Variants in NPEPPS observed in about 807,000 individuals in gnomAD.
NPEPPS encodes the protein puromycin-sensitive aminopeptidase.
NPEPPS carries 14 observed loss-of-function variants against 115.5 expected under a neutral mutation model. That is an observed-to-expected ratio of 0.12 (90% CI 0.08 to 0.19). The LOEUF (loss-of-function observed/expected upper bound fraction) is 0.19. Ranked by LOEUF, NPEPPS falls within the 10% of genes least tolerant of loss-of-function variation. The pLI is 1.00. For synonymous variants in NPEPPS, 285 were observed against 390.6 expected (o/e 0.73, Z 3.19); for missense variants, 523 against 1,110.8 (o/e 0.47, Z 7.52).
intron 2 of NPEPPS, among the ~76,000 whole-genome samples, chr17:47,566,509 T>G (rs1257933412): frequency 3.5e-5 from 5 of 143,334 alleles, no homozygotes; most frequent in South Asian, 4.6e-4. Context: ...TTTTTTGTTT[T>G]TTTTTTTTTT....
At chr17:47,568,576 A>G (rs1597846767) in intron 2 of NPEPPS, among the ~76,000 whole-genome samples, 2 of 124,184 alleles carry the variant, frequency 1.6e-5, no homozygotes, top group East Asian at 5.6e-4. Flanking sequence ...TCAGTCAAAT[A>G]AGCAGTCTCT....
chr17:47,609,307 A>G (rs895221382), intron 17 of NPEPPS, among the ~76,000 whole-genome samples: 1 of 152,198 alleles, frequency 6.6e-6, no homozygotes, highest in African/African-American at 2.4e-5. Flanking sequence ...GTACATGGAC[A>G]CAGATGCAGG....
intron 2 of NPEPPS, among the ~76,000 whole-genome samples, chr17:47,568,266 C>T (rs1482536431): frequency 1.3e-5 from 2 of 151,696 alleles, no homozygotes; most frequent in African/African-American, 4.8e-5. Flanking sequence ...TGAGTTCAAG[C>T]AATTCTAAAT....
chr17:47,587,839 CAG>C (rs554798470), intron 9 of NPEPPS, among the ~76,000 whole-genome samples: 373 of 151,628 alleles, frequency 2.5e-3, no homozygotes, highest in African/African-American at 8.5e-3. Context: ...AAACAAACTG[CAG>C]AGTGACTGCA....
chr17:47,589,253 G>T (rs991733863), intron 9 of NPEPPS, among the ~76,000 whole-genome samples: 1 of 151,754 alleles, frequency 6.6e-6, no homozygotes, highest in Non-Finnish European at 1.5e-5. Flanking sequence ...GGCCTTTTCT[G>T]GGGGGACTGG....
At chr17:47,543,999 A>G (rs368255074) in intron 1 of NPEPPS, among the ~76,000 whole-genome samples, 1 of 152,088 alleles carries the variant, frequency 6.6e-6, no homozygotes, top group Non-Finnish European at 1.5e-5. Flanking sequence ...GGTTCACATC[A>G]TTCTCCTGCC....
chr17:47,566,900 C>A (rs1286641976), intron 2 of NPEPPS, among the ~76,000 whole-genome samples: 2 of 151,884 alleles, frequency 1.3e-5, no homozygotes, highest in Non-Finnish European at 2.9e-5. Flanking sequence ...CATGGGGAAA[C>A]CCCTGTCTCT....
intron 2 of NPEPPS, among the ~76,000 whole-genome samples, chr17:47,564,324 A>G (rs1910650155): frequency 6.6e-6 from 1 of 151,926 alleles, no homozygotes; most frequent in African/African-American, 2.4e-5. Flanking sequence ...GCTTGAGCCC[A>G]GGAGTTTGAG....
At position 47,618,455 on chromosome 17, in the gene NPEPPS, T is replaced by A. The variant is rs1336345457; in HGVS notation, c.2401T>A (p.Ser801Thr). The change falls in exon 20 of 23, where the codon TCA becomes ACA. Residue 801 changes from serine to threonine, a missense_variant and splice_region_variant. Physicochemically the swap from Ser to Thr is moderately conservative, Grantham distance 58. Transcript: ENST00000322157. ...TCAAAAAGTCCTCACGTTTGCACTTTCAGTAAGTTACGGTGAAAACTGCAT... is the reference window on the plus strand; with the variant it reads ...TCAAAAAGTCCTCACGTTTGCACTTACAGTAAGTTACGGTGAAAACTGCAT... ...LIQKVLTFALSEEVRPQDTVS... is the reference protein window; with the variant it reads ...LIQKVLTFALTEEVRPQDTVS... The A allele has an allele frequency of 2.5e-6, 4 of 1,606,996 alleles. No homozygotes were observed. The highest frequency in any genetic ancestry group is 3.4e-6 in the Non-Finnish European group (4 of 1,173,764).
At chr17:47,531,645 G>C in intron 1 of NPEPPS, 90 bp downstream of exon 1, 3 of 1,409,862 alleles carry the variant, frequency 2.1e-6, no homozygotes, top group Non-Finnish European at 2.8e-6. Context: ...CCGGGAGGGC[G>C]GGCGGGCCTC....
chr17:47,547,949 C>G (rs1909342333), intron 2 of NPEPPS, among the ~76,000 whole-genome samples: 1 of 152,222 alleles, frequency 6.6e-6, no homozygotes, highest in Admixed American at 6.5e-5. Context: ...TGGCGTGAAC[C>G]CGGGAGGCAG....
At chr17:47,553,078 C>T (rs568091483) in intron 2 of NPEPPS, among the ~76,000 whole-genome samples, 4 of 151,972 alleles carry the variant, frequency 2.6e-5, no homozygotes, top group South Asian at 2.1e-4. Flanking sequence ...TCTTAAGATC[C>T]TTGAGGGGCT....
intron 4 of NPEPPS, chr17:47,580,449 T>G (rs1374028963): frequency 2.6e-5 from 4 of 152,144 alleles, no homozygotes; most frequent in Non-Finnish European, 4.4e-5. Context: ...TTCCTGAGCC[T>G]TTGCTTTTCT....
intron 2 of NPEPPS, among the ~76,000 whole-genome samples, chr17:47,556,912 G>C (rs1213983940): frequency 6.6e-6 from 1 of 152,200 alleles, no homozygotes; most frequent in Non-Finnish European, 1.5e-5. Flanking sequence ...AAAGTGCCGG[G>C]ATTACAGGCA....
Position 47,604,043 on chromosome 17 carries a change from C to G in NPEPPS, c.1869C>G (p.Phe623Leu). ...VDRLGLQNDLFSLARAGIIST... is the reference protein window; with the variant it reads ...VDRLGLQNDLLSLARAGIIST... ...GACTTGGATTACAGAATGACCTCTTCTCCTTGGTGAGCATCTGTGACTTAA... is the reference window on the plus strand; with the variant it reads ...GACTTGGATTACAGAATGACCTCTTGTCCTTGGTGAGCATCTGTGACTTAA... Residue 623 changes from phenylalanine (F) to leucine (L), a missense_variant, in exon 16 of 23, where the codon TTC becomes TTG. Physicochemically the swap from Phe to Leu is conservative, Grantham distance 22. Transcript: ENST00000322157. 6.2e-7 allele frequency: 1 copy of G among 1,608,508 alleles called. No homozygotes were observed. The highest frequency in any genetic ancestry group is 8.5e-7 in the Non-Finnish European group (1 of 1,176,360).
At chr17:47,549,021 G>C (rs1288523407) in intron 2 of NPEPPS, among the ~76,000 whole-genome samples, 1 of 152,064 alleles carries the variant, frequency 6.6e-6, no homozygotes, top group Admixed American at 6.6e-5. Flanking sequence ...GAGAGATTCT[G>C]ATAAAACGTT....
At chr17:47,566,062 T>C (rs1910794417) in intron 2 of NPEPPS, among the ~76,000 whole-genome samples, 1 of 152,196 alleles carries the variant, frequency 6.6e-6, no homozygotes, top group South Asian at 2.1e-4. Flanking sequence ...GGCATGATCA[T>C]GGCTCACTCC....
At chr17:47,600,308 G>A (rs575553128) in intron 14 of NPEPPS, among the ~76,000 whole-genome samples, 1 of 152,116 alleles carries the variant, frequency 6.6e-6, no homozygotes, top group African/African-American at 2.4e-5. Context: ...ATGGTGGCAT[G>A]CATCTGCAGT....
At chr17:47,531,755 C>T (rs1422544322) in intron 1 of NPEPPS, among the ~76,000 whole-genome samples, 200 bp downstream of exon 1, 3 of 151,942 alleles carry the variant, frequency 2.0e-5, no homozygotes, top group Admixed American at 1.3e-4. Flanking sequence ...GGGCAGGGAC[C>T]GTGGCCGGAG....
Sources: allele counts gnomAD v4.1 joint callset (sites outside exome capture counted in the v4.1 genomes callset), GRCh38; gene constraint gnomAD v4.1.1; transcripts MANE v1.5; gene names NCBI Gene and HGNC (gene_info 2026-07-23, HGNC 2026-07-21).